Variants in ARPP21 observed in about 807,000 individuals in gnomAD.
ARPP21 encodes the protein cAMP regulated phosphoprotein 21.
In ARPP21, 69 loss-of-function variants were observed where a neutral mutation model predicts 113.2. The observed-to-expected ratio is 0.61, with a 90% CI of 0.50 to 0.74. The LOEUF is 0.74. ARPP21 is among the 30% of genes least tolerant of loss of function. ARPP21 has a pLI of 0.00. For missense variants in ARPP21, 1,070 were observed against 1,037.4 expected (o/e 1.03, Z -0.43); for synonymous variants, 368 against 375.5 (o/e 0.98, Z 0.23).
At chr3:35,748,448 A>AAAAG (rs1196077453) in intron 19 of ARPP21, among the ~76,000 whole-genome samples, 6 of 150,710 alleles carry the variant, frequency 4.0e-5, no homozygotes, top group African/African-American at 1.5e-4. Flanking sequence ...AGAAAGAAAG[A>AAAAG]AAAGAAAGAA....
chr3:35,696,784 A>G (rs564531348), intron 9 of ARPP21, among the ~76,000 whole-genome samples: 2 of 151,684 alleles, frequency 1.3e-5, no homozygotes, highest in Admixed American at 6.6e-5. Flanking sequence ...AAAAATATGA[A>G]TAGTGATCTT....
At chr3:35,750,990 T>C (rs1406622578) in intron 19 of ARPP21, among the ~76,000 whole-genome samples, 3 of 152,134 alleles carry the variant, frequency 2.0e-5, no homozygotes, top group East Asian at 1.9e-4. Flanking sequence ...TAGGTTTAGG[T>C]AGAGGAGTGA....
chr3:35,639,576 G>C lies in ARPP21; in HGVS notation c.-1035G>C, dbSNP rs866357492. ...GAACGGGACCGAGGGATCGACCGAG[G>C]CTGGCTGGCTAGGGGTGGGACTGGC... On this transcript the variant is annotated 5_prime_UTR_variant, in exon 1 of 21. Coordinates refer to ENST00000684406, the MANE Select transcript of ARPP21 (RefSeq NM_001385562.1). The surrounding 1 kb of genome is among the most constrained non-coding windows in gnomAD (Gnocchi z 5.0). The C allele has an allele frequency of 1.3e-5, 2 of 152,866 alleles. No individual in the cohort carries two copies. Among genetic ancestry groups the C allele is most frequent in the African/African-American group, 4.8e-5 (2 of 41,466 alleles). The allele number at this position is 152,866 out of a possible 1,614,324, so 9.5% of individuals were successfully genotyped here. A position where few individuals can be genotyped will look rare whatever the true frequency, so the allele number is the denominator to read the frequency against.
intron 11 of ARPP21, chr3:35,715,141 C>T (rs905903474): frequency 2.6e-5 from 7 of 269,564 alleles, no homozygotes; most frequent in South Asian, 1.2e-4. Context: ...CGGAATCCGA[C>T]GGCCACACGT....
At chr3:35,659,547 T>A (rs1009395189) in intron 1 of ARPP21, among the ~76,000 whole-genome samples, 2 of 152,084 alleles carry the variant, frequency 1.3e-5, no homozygotes, top group Non-Finnish European at 2.9e-5. Context: ...CTGCCCTTGG[T>A]GAACTTACAG....
chr3:35,668,260 A>C (rs2075416207), intron 1 of ARPP21, among the ~76,000 whole-genome samples: 1 of 152,188 alleles, frequency 6.6e-6, no homozygotes, highest in South Asian at 2.1e-4. Flanking sequence ...GGAAACCTAA[A>C]AAACAGAGCA....
intron 1 of ARPP21, among the ~76,000 whole-genome samples, chr3:35,667,001 C>T (rs1016375793): frequency 1.4e-4 from 21 of 152,152 alleles, no homozygotes; most frequent in African/African-American, 3.6e-4. Context: ...ATTTCAAAAG[C>T]GTATGGATAA....
chr3:35,734,421 G>A (rs950617071), intron 15 of ARPP21, among the ~76,000 whole-genome samples: 2 of 152,042 alleles, frequency 1.3e-5, no homozygotes, highest in African/African-American at 2.4e-5. Flanking sequence ...ATGCATCTAC[G>A]TGATAGGAAA....
At position 35,770,484 on chromosome 3, in the gene ARPP21, GTTCTTT is replaced by G. The variant is rs1011709441; in HGVS notation, c.2138-21896_2138-21891del. 1.0e-3 allele frequency among the ~76,000 whole-genome samples: 159 copies of G among 152,274 alleles called. 1 individual carries two copies. Among genetic ancestry groups the G allele is most frequent in the African/African-American group, 3.5e-3 (147 of 41,570 alleles). On this transcript the variant is annotated intron_variant, in intron 19 of 20. Coordinates refer to ENST00000684406, the MANE Select transcript of ARPP21 (RefSeq NM_001385562.1). ...ACTGAGCATTCTAGAATAGCATATGGTTCTTTTCACCACAGGCAGAATTTACTGTTT... is the reference window on the plus strand; with the variant it reads ...ACTGAGCATTCTAGAATAGCATATGGTCACCACAGGCAGAATTTACTGTTT...
At chr3:35,792,630 G>T in intron 20 of ARPP21, 100 bp downstream of exon 20, 2 of 1,038,278 alleles carry the variant, frequency 1.9e-6, no homozygotes, top group Non-Finnish European at 3.0e-6. Flanking sequence ...GCTGGGTAAT[G>T]CGTGCTTGGT....
chr3:35,764,507 A>G (rs1444474740), intron 19 of ARPP21, among the ~76,000 whole-genome samples: 1 of 151,884 alleles, frequency 6.6e-6, no homozygotes, highest in Non-Finnish European at 1.5e-5. Flanking sequence ...TTAAATTTGG[A>G]TTCTTATGTG....
chr3:35,721,294 G>T (rs2093043829), intron 13 of ARPP21, among the ~76,000 whole-genome samples: 2 of 152,110 alleles, frequency 1.3e-5, no homozygotes, highest in African/African-American at 4.8e-5. Context: ...TATTCTATTT[G>T]CAAGAGAAAT....
chr3:35,759,674 C>CTGTG lies in ARPP21; in HGVS notation c.2137+15710_2137+15711insGTGT, dbSNP rs1346888304. 8.9e-4 allele frequency among the ~76,000 whole-genome samples: 116 copies of CTGTG among 130,708 alleles called. 1 individual carries two copies. The highest frequency in any genetic ancestry group is 2.8e-3 in the African/African-American group (100 of 35,626). 85.7% of individuals were successfully genotyped at this position (130,708 alleles called of 152,430 possible). ...TCATTTTTTTCCTTTCATTTTCTCT[C>CTGTG]TCTGTGTGTGTGTGTGTGTGTGTGT... On this transcript the variant is annotated intron_variant, in intron 19 of 20. Coordinates refer to ENST00000684406, the MANE Select transcript of ARPP21 (RefSeq NM_001385562.1).
intron 1 of ARPP21, among the ~76,000 whole-genome samples, chr3:35,642,677 T>C (rs3092): frequency 0.21 from 32,174 of 151,968 alleles, 3,575 homozygotes; most frequent in African/African-American, 0.27. Flanking sequence ...AATTTCAAAT[T>C]CCTAAAATAT....
intron 18 of ARPP21, among the ~76,000 whole-genome samples, chr3:35,741,674 T>A (rs1282297243): frequency 1.3e-5 from 2 of 152,212 alleles, no homozygotes; most frequent in Non-Finnish European, 2.9e-5. Context: ...TCTCTTCTAA[T>A]CCACTCCTTT....
At chr3:35,716,800 C>T (rs1195030080) in intron 12 of ARPP21, among the ~76,000 whole-genome samples, 1 of 151,766 alleles carries the variant, frequency 6.6e-6, no homozygotes, top group African/African-American at 2.4e-5. Context: ...GGATTATATC[C>T]CACATTACAA....
At chr3:35,770,942 C>T (rs2151508009) in intron 19 of ARPP21, among the ~76,000 whole-genome samples, 1 of 152,214 alleles carries the variant, frequency 6.6e-6, no homozygotes, top group Non-Finnish European at 1.5e-5. Flanking sequence ...TAAAGCAGGA[C>T]AATACTCATC....
chr3:35,780,075 G>A (rs2096486510), intron 19 of ARPP21, among the ~76,000 whole-genome samples: 2 of 152,112 alleles, frequency 1.3e-5, no homozygotes, highest in Admixed American at 1.3e-4. Context: ...CACTGGCAAG[G>A]CTTTGGACTC....
At chr3:35,737,806 T>C (rs2094447627) in intron 16 of ARPP21, among the ~76,000 whole-genome samples, 1 of 152,204 alleles carries the variant, frequency 6.6e-6, no homozygotes, top group South Asian at 2.1e-4. Context: ...TGGCTGTTCC[T>C]ACATACTCCT....
Sources: gnomAD v4.1 joint callset for allele counts (sites outside exome capture counted in the v4.1 genomes callset) on GRCh38, gnomAD v4.1.1 for gene constraint, Gnocchi (gnomAD v3.1) non-coding constraint, MANE v1.5 for transcripts, NCBI Gene and HGNC (gene_info 2026-07-23, HGNC 2026-07-21) for gene names.